KIF20B: variants seen among roughly 807,000 people sequenced by gnomAD.
KIF20B encodes the protein kinesin-like protein KIF20B.
KIF20B carries 188 observed loss-of-function variants against 232.5 expected under a neutral mutation model. The ratio of observed to expected loss-of-function variants is 0.81; its 90% CI spans 0.72 to 0.91. The LOEUF is 0.91. KIF20B is among the 40% of genes least tolerant of loss of function. KIF20B has a pLI of 0.00. For synonymous variants in KIF20B, 712 were observed against 683.0 expected (o/e 1.04, Z -0.66); for missense variants, 2,154 against 2,055.9 (o/e 1.05, Z -0.92).
intron 29 of KIF20B, 139 bp from the exon 30 acceptor site, chr10:89,768,151 C>T: frequency 1.6e-6 from 1 of 614,170 alleles, no homozygotes; most frequent in Non-Finnish European, 2.9e-6. Context: ...TTGCCATTGT[C>T]CTCTGAGTTC....
At chr10:89,725,287 T>C in intron 15 of KIF20B, 129 bp downstream of exon 15, 2 of 844,240 alleles carry the variant, frequency 2.4e-6, no homozygotes, top group Non-Finnish European at 3.5e-6. Context: ...AGCTTTATTA[T>C]AATTAGGCAT....
chr10:89,728,165 G>A (rs949099125), intron 17 of KIF20B, among the ~76,000 whole-genome samples: 9 of 152,006 alleles, frequency 5.9e-5, no homozygotes, highest in African/African-American at 2.2e-4. Flanking sequence ...CTAATATCCA[G>A]TATTTAAAGA....
chr10:89,765,770 T>A (rs1842346602), intron 29 of KIF20B, among the ~76,000 whole-genome samples: 1 of 152,134 alleles, frequency 6.6e-6, no homozygotes, highest in Admixed American at 6.6e-5. Context: ...AAGCTTAGTT[T>A]GGCTGGATAT....
intron 19 of KIF20B, chr10:89,733,272 T>G (rs1843369612): frequency 2.3e-6 from 1 of 436,968 alleles, no homozygotes; most frequent in Non-Finnish European, 4.1e-6. Flanking sequence ...AATTGTGCTT[T>G]TATTATTTCT....
Position 89,718,761 on chromosome 10 carries a change from A to G in KIF20B, c.1323A>G (p.Gln441=), listed in dbSNP as rs143205873. Residue 441 remains glutamine, a synonymous_variant, in exon 12 of 33, where the codon CAA becomes CAG. Coordinates refer to ENST00000371728, the MANE Select transcript of KIF20B (RefSeq NM_001284259.2). ...AAAGTAAACTGACTCACTATTTTCA[A>G]AGTTTTTTTAATGGTAAAGGGAAAA... ...FRESKLTHYF[Q]SFFNGKGKIC... is the part of the protein sequence containing the mutation. The G allele has an allele frequency of 6.2e-7, 1 of 1,611,942 alleles. No homozygotes were observed.
intron 32 of KIF20B, among the ~76,000 whole-genome samples, chr10:89,773,720 A>G (rs571209688): frequency 6.6e-6 from 1 of 152,178 alleles, no homozygotes; most frequent in East Asian, 1.9e-4. Flanking sequence ...TTTAAGTTAT[A>G]TCTGCCTTGA....
At chr10:89,736,933 T>A (rs1393094160) in intron 19 of KIF20B, among the ~76,000 whole-genome samples, 2 of 151,156 alleles carry the variant, frequency 1.3e-5, no homozygotes. Flanking sequence ...AGATACTCCA[T>A]TTGCCTATTG....
At chr10:89,768,068 C>T (rs893911411) in intron 29 of KIF20B, among the ~76,000 whole-genome samples, 1 of 151,994 alleles carries the variant, frequency 6.6e-6, no homozygotes, top group Non-Finnish European at 1.5e-5. Context: ...AACAGCATTC[C>T]TGACCTCTAC....
intron 2 of KIF20B, among the ~76,000 whole-genome samples, chr10:89,708,565 AT>A (rs5786881): frequency 0.32 from 47,377 of 149,080 alleles, 8,386 homozygotes; most frequent in African/African-American, 0.48. Flanking sequence ...TAGGGCCTGA[AT>A]TTTTTTTTTT....
At position 89,752,691 on chromosome 10, in the gene KIF20B, G is replaced by C; in HGVS notation, c.4347G>C (p.Gln1449His). 6.5e-7 allele frequency: 1 copy of C among 1,545,882 alleles called. No individual in the cohort carries two copies. The highest frequency in any genetic ancestry group is 8.7e-7 in the Non-Finnish European group (1 of 1,149,174). Residue 1449 changes from glutamine (Q) to histidine (H), a missense_variant and splice_region_variant, in exon 25 of 33, where the codon CAG becomes CAC. Physicochemically the swap from Gln to His is conservative, Grantham distance 24. Transcript: ENST00000371728. ...TCACTAATCTTCAAGATGAGTTACA[G>C]GTATGACTTTATGTATGTTTTTATG... The part of the protein sequence containing the change: ...GKLTNLQDEL[Q>H]ESEQKYNADR...
intron 13 of KIF20B, among the ~76,000 whole-genome samples, chr10:89,723,411 G>A (rs867483967): frequency 6.6e-6 from 1 of 152,192 alleles, no homozygotes; most frequent in African/African-American, 2.4e-5. Flanking sequence ...TAGAATTGCT[G>A]TTGACATCTG....
intron 13 of KIF20B, 183 bp from the exon 14 acceptor site, chr10:89,723,781 C>G (rs375633083): frequency 4.7e-5 from 24 of 506,638 alleles, no homozygotes; most frequent in East Asian, 3.6e-4. Flanking sequence ...AAAGGCCAAC[C>G]TGATTTTTCA....
At chr10:89,764,026 C>A (rs925864180) in intron 29 of KIF20B, among the ~76,000 whole-genome samples, 1 of 147,220 alleles carries the variant, frequency 6.8e-6, no homozygotes, top group Admixed American at 6.8e-5. Context: ...AGGTATATCT[C>A]CTAATGCCAT....
At chr10:89,712,840 GT>G (rs1387339095) in intron 6 of KIF20B, among the ~76,000 whole-genome samples, 6 of 152,012 alleles carry the variant, frequency 3.9e-5, no homozygotes, top group African/African-American at 1.4e-4. Context: ...ACTACTAATT[GT>G]TTTTGTAAAT....
At chr10:89,732,485 C>T (rs1304257099) in intron 18 of KIF20B, among the ~76,000 whole-genome samples, 3 of 137,764 alleles carry the variant, frequency 2.2e-5, no homozygotes, top group Non-Finnish European at 4.6e-5. Context: ...AATGACGTAT[C>T]TAGAAGCTCA....
chr10:89,737,547 G>C lies in KIF20B; in HGVS notation c.2706G>C (p.Lys902Asn). The C allele has an allele frequency of 6.2e-7, 1 of 1,606,882 alleles. No individual in the cohort carries two copies. The highest frequency in any genetic ancestry group is 1.7e-4 in the Middle Eastern group (1 of 6,010). The change falls in exon 20 of 33, where the codon AAG becomes AAC. Residue 902 changes from lysine (K) to asparagine (N), a missense_variant. Physicochemically the swap from Lys to Asn is moderately conservative, Grantham distance 94. Coordinates refer to ENST00000371728, the MANE Select transcript of KIF20B (RefSeq NM_001284259.2). ...LTIENELKNEKEEKAELNKQI... is the reference protein window; with the variant it reads ...LTIENELKNENEEKAELNKQI... Reference sequence around the variant, plus strand: ...TTGAGAATGAACTTAAAAATGAAAAGGAAGAAAAAGCAGAATTAAATAAAC... The same window carrying C: ...TTGAGAATGAACTTAAAAATGAAAACGAAGAAAAAGCAGAATTAAATAAAC...
At chr10:89,739,180 T>C in intron 21 of KIF20B, 84 bp downstream of exon 21, 1 of 1,384,892 alleles carries the variant, frequency 7.2e-7, no homozygotes, top group South Asian at 1.3e-5. Context: ...AATCTTAGGA[T>C]TGAATAGAAC....
At chr10:89,770,504 A>C (rs956057346) in intron 31 of KIF20B, among the ~76,000 whole-genome samples, 2 of 152,020 alleles carry the variant, frequency 1.3e-5, no homozygotes, top group Non-Finnish European at 2.9e-5. Context: ...AAGGAGAGGT[A>C]GGTACCTATA....
intron 4 of KIF20B, 71 bp from the exon 5 acceptor site, chr10:89,709,856 G>A: frequency 7.9e-7 from 1 of 1,271,568 alleles, no homozygotes; most frequent in South Asian, 1.7e-5. Flanking sequence ...AAACAGTAGT[G>A]TTGGGATGGA....
Sources: gnomAD v4.1 joint callset for allele counts (sites outside exome capture counted in the v4.1 genomes callset) on GRCh38, gnomAD v4.1.1 for gene constraint, MANE v1.5 for transcripts, NCBI Gene and HGNC (gene_info 2026-07-23, HGNC 2026-07-21) for gene names.